Variants in VPS53 observed in about 807,000 individuals in gnomAD.
The protein encoded by VPS53 is vacuolar protein sorting-associated protein 53 homolog.
Under a neutral mutation model 107.0 loss-of-function variants are expected in VPS53, and 70 were observed. That is an observed-to-expected ratio of 0.65 (90% CI 0.54 to 0.80). The LOEUF (loss-of-function observed/expected upper bound fraction) is 0.80, where lower values mean the gene tolerates loss of function less well. Among genes scored for constraint, VPS53 ranks in the 30% least tolerant of loss-of-function variants. The pLI, the probability that VPS53 is intolerant of heterozygous loss-of-function variation, is 0.00. For missense variants in VPS53, 917 were observed against 1,049.4 expected (o/e 0.87, Z 1.74); for synonymous variants, 409 against 393.3 (o/e 1.04, Z -0.47).
chr17:542,170 C>T (rs1248018712), intron 17 of VPS53, among the ~76,000 whole-genome samples: 1 of 152,256 alleles, frequency 6.6e-6, no homozygotes, highest in Non-Finnish European at 1.5e-5. Context: ...GACATTTTCA[C>T]ATGACCTTGC....
At chr17:631,289 A>T (rs1969949019) in intron 8 of VPS53, among the ~76,000 whole-genome samples, 1 of 151,670 alleles carries the variant, frequency 6.6e-6, no homozygotes, top group Non-Finnish European at 1.5e-5. Context: ...AGGGCATACA[A>T]GATAGACGGT....
At chr17:611,019 A>T (rs978339009) in intron 11 of VPS53, among the ~76,000 whole-genome samples, 1 of 152,122 alleles carries the variant, frequency 6.6e-6, no homozygotes, top group Non-Finnish European at 1.5e-5. Context: ...CAATCCAACT[A>T]AAAAATGGGC....
chr17:632,907 AAGGTAAAAACAAAAAG>A, intron 7 of VPS53: 2 of 393,948 alleles, frequency 5.1e-6, no homozygotes, highest in South Asian at 3.8e-5. Flanking sequence ...AATGTTTTCT[AAGGTAAAAACAAAAAG>A]AGCCAAGTGA....
intron 10 of VPS53, 131 bp downstream of exon 10, chr17:627,043 G>T: frequency 8.1e-7 from 1 of 1,227,756 alleles, no homozygotes; most frequent in Non-Finnish European, 1.1e-6. Flanking sequence ...GGGGTACGAG[G>T]ATGATATTAG....
At chr17:687,285 CA>C (rs34025882) in intron 4 of VPS53, among the ~76,000 whole-genome samples, 76,127 of 139,372 alleles carry the variant, frequency 0.55, 21,610 homozygotes, top group Non-Finnish European at 0.65. Flanking sequence ...GACTCCAGCT[CA>C]AAAAAAAAAA....
In VPS53 at chr17:627,246, T is replaced by C. The variant is rs1969751748; in HGVS notation, c.902A>G (p.Lys301Arg). Residue 301 changes from lysine to arginine, a missense_variant, in exon 10 of 22, where the codon AAA (lysine) becomes AGA (arginine). Physicochemically the swap from Lys to Arg is conservative, Grantham distance 26. Coordinates refer to ENST00000437048, the MANE Select transcript of VPS53 (RefSeq NM_001128159.3). ...CTCACGTGGAAACATGCGGCCGTAT[T>C]TCTCCTCATAGTCCACAAGCTGGCG... ...IKRQLVDYEE[K>R]YGRMFPREWC... 6.2e-7 allele frequency: 1 copy of C among 1,613,966 alleles called. No homozygotes were observed. The highest frequency in any genetic ancestry group is 1.3e-5 in the African/African-American group (1 of 74,912).
chr17:699,750 C>T (rs558259469), intron 2 of VPS53, among the ~76,000 whole-genome samples: 4 of 152,200 alleles, frequency 2.6e-5, no homozygotes, highest in African/African-American at 4.8e-5. Context: ...CCATGGTGTA[C>T]GTGATTGTGA....
At chr17:605,476 G>A (rs370358677) in intron 11 of VPS53, among the ~76,000 whole-genome samples, 5 of 151,086 alleles carry the variant, frequency 3.3e-5, no homozygotes, top group African/African-American at 1.2e-4. Flanking sequence ...GGGGGCCTGG[G>A]GTAAGAGGGG....
At chr17:629,105 C>G (rs1392200822) in intron 8 of VPS53, among the ~76,000 whole-genome samples, 2 of 152,198 alleles carry the variant, frequency 1.3e-5, no homozygotes, top group East Asian at 3.8e-4. Context: ...TAAGGTTCTT[C>G]TAAATCTTTA....
At chr17:610,954 AG>A (rs1235168095) in intron 11 of VPS53, among the ~76,000 whole-genome samples, 7 of 151,768 alleles carry the variant, frequency 4.6e-5, no homozygotes, top group African/African-American at 1.7e-4. Context: ...AAAAAAAAAA[AG>A]TTATAGAATA....
At chr17:563,124 G>A (rs1389572482) in intron 13 of VPS53, among the ~76,000 whole-genome samples, 1 of 152,064 alleles carries the variant, frequency 6.6e-6, no homozygotes, top group African/African-American at 2.4e-5. Flanking sequence ...GCTGAGCCTA[G>A]ACTCCAATAC....
intron 11 of VPS53, among the ~76,000 whole-genome samples, chr17:608,973 A>G (rs1411618404): frequency 6.6e-6 from 1 of 151,974 alleles, no homozygotes; most frequent in Non-Finnish European, 1.5e-5. Context: ...ATTTATAACT[A>G]AACTCATACA....
intron 4 of VPS53, among the ~76,000 whole-genome samples, chr17:666,734 A>G (rs1213169945): frequency 6.6e-6 from 1 of 151,926 alleles, no homozygotes; most frequent in Non-Finnish European, 1.5e-5. Flanking sequence ...CCTGACCAAC[A>G]TGGTGAAACC....
rs189946545 is a variant in VPS53, at chr17:691,460, G to A, written c.285+5958C>T. Reference sequence around the variant, plus strand: ...CAAAGGACTCCTGAACTGGGTGGAAGATTGTACTACAATTACCTAATCCTT... The same window carrying A: ...CAAAGGACTCCTGAACTGGGTGGAAAATTGTACTACAATTACCTAATCCTT... On this transcript the variant is annotated intron_variant, in intron 4 of 21. Coordinates refer to ENST00000437048, the MANE Select transcript of VPS53 (RefSeq NM_001128159.3). 3.3e-5 allele frequency among the ~76,000 whole-genome samples: 5 copies of A among 152,326 alleles called. No individual in the cohort carries two copies. The East Asian group carries it at 9.6e-4, about 29-fold the overall frequency.
At chr17:596,952 C>T (rs1968002864) in intron 12 of VPS53, among the ~76,000 whole-genome samples, 1 of 152,210 alleles carries the variant, frequency 6.6e-6, no homozygotes, top group Non-Finnish European at 1.5e-5. Context: ...CACTTCCTTT[C>T]ATTACTACCC....
rs1908304253 is a variant in VPS53 at position 516,265 on chromosome 17, C to T, written c.*2863G>A. ...TTCCATAAAGCAAATCTCTCTGTTG[C>T]AGTGGTTCTTAACAAGGTGTAAACG... On this transcript the variant is annotated 3_prime_UTR_variant, in exon 22 of 22. Coordinates refer to ENST00000437048, the MANE Select transcript of VPS53 (RefSeq NM_001128159.3). 6.6e-6 allele frequency: 1 copy of T among 152,110 alleles called. No individual in the cohort carries two copies. The highest frequency in any genetic ancestry group is 2.1e-4 in the South Asian group (1 of 4,830). The allele number at this position is 152,110 out of a possible 1,614,324, so 9.4% of individuals were successfully genotyped here.
At chr17:693,760 G>C (rs1030058292) in intron 4 of VPS53, among the ~76,000 whole-genome samples, 2 of 152,022 alleles carry the variant, frequency 1.3e-5, no homozygotes, top group African/African-American at 4.8e-5. Flanking sequence ...TTTAAAAGCG[G>C]CACATCGGTT....
chr17:617,797 G>A (rs1283504604), intron 11 of VPS53, among the ~76,000 whole-genome samples: 106 of 123,244 alleles, frequency 8.6e-4, no homozygotes, highest in African/African-American at 3.0e-3. Context: ...GACTACAGGC[G>A]TGCGCCACCA....
At chr17:610,127 TCACACACACACACA>T (rs200106767) in intron 11 of VPS53, among the ~76,000 whole-genome samples, 12,547 of 134,526 alleles carry the variant, frequency 0.093, 656 homozygotes, top group East Asian at 0.16. Flanking sequence ...TGAGACTCCG[TCACACACACACACA>T]CACACACACA....
Sources: allele counts gnomAD v4.1 joint callset (sites outside exome capture counted in the v4.1 genomes callset), GRCh38; gene constraint gnomAD v4.1.1; transcripts MANE v1.5; gene names NCBI Gene and HGNC (gene_info 2026-07-23, HGNC 2026-07-21).